The following TAX1BP1 variants were observed in gnomAD, a reference collection of about 807,000 sequenced individuals.
TAX1BP1 encodes tax1-binding protein 1.
TAX1BP1 carries 62 observed loss-of-function variants against 97.7 expected under a neutral mutation model. The observed-to-expected ratio is 0.63, with a 90% CI of 0.52 to 0.78. The LOEUF (loss-of-function observed/expected upper bound fraction) is 0.78, where lower values mean the gene tolerates loss of function less well. Among genes scored for constraint, TAX1BP1 ranks in the 30% least tolerant of loss-of-function variants. The pLI, the probability that TAX1BP1 is intolerant of heterozygous loss-of-function variation, is 0.00. For missense variants in TAX1BP1, 867 were observed against 916.1 expected (o/e 0.95, Z 0.69); for synonymous variants, 340 against 304.2 (o/e 1.12, Z -1.23).
intron 7 of TAX1BP1, among the ~76,000 whole-genome samples, chr7:27,787,186 T>A (rs1394152302): frequency 6.6e-6 from 1 of 152,186 alleles, no homozygotes; most frequent in Non-Finnish European, 1.5e-5. Flanking sequence ...CAGGTGATGT[T>A]GTTAGGGCTT....
At chr7:27,785,356 A>G in intron 6 of TAX1BP1, 43 bp from the exon 7 acceptor site, 1 of 1,590,306 alleles carries the variant, frequency 6.3e-7, no homozygotes, top group Non-Finnish European at 8.5e-7. Flanking sequence ...AAAATTTTAA[A>G]ACTTTAAAAC....
upstream of TAX1BP1, chr7:27,740,136 T>A (rs937351938): frequency 6.6e-6 from 1 of 152,310 alleles, no homozygotes; most frequent in African/African-American, 2.4e-5. Flanking sequence ...CAAGGCCTAC[T>A]GTCGGCTGGG....
chr7:27,752,232 C>T (rs1225057729), intron 2 of TAX1BP1, among the ~76,000 whole-genome samples: 2 of 152,110 alleles, frequency 1.3e-5, no homozygotes, highest in African/African-American at 4.8e-5. Flanking sequence ...TAGGATATGT[C>T]AACAGTCAAT....
rs891496415 is a variant in TAX1BP1 at position 27,800,187 on chromosome 7, G to A, written c.1764+97G>A. Reference sequence around the variant, plus strand: ...CAATCTAATGTACATTTTAAATATGGATAATTGATAGTTTTTTCTACAAAT... The same window carrying A: ...CAATCTAATGTACATTTTAAATATGAATAATTGATAGTTTTTTCTACAAAT... On this transcript the variant is annotated intron_variant, in intron 13 of 16. Transcript: ENST00000396319. 2.1e-5 allele frequency: 23 copies of A among 1,107,790 alleles called. No homozygotes were observed. The African/African-American group carries it at 3.4e-4, about 16-fold the overall frequency. 68.6% of individuals were successfully genotyped at this position (1,107,790 alleles called of 1,614,324 possible).
intron 5 of TAX1BP1, among the ~76,000 whole-genome samples, chr7:27,784,439 T>C (rs73684053): frequency 0.024 from 3,642 of 152,222 alleles, 74 homozygotes; most frequent in East Asian, 0.082. Flanking sequence ...CTTAGTGTCT[T>C]TGAATATTTG....
At chr7:27,803,740 T>C (rs1242153419) in intron 13 of TAX1BP1, among the ~76,000 whole-genome samples, 2 of 152,240 alleles carry the variant, frequency 1.3e-5, no homozygotes, top group Non-Finnish European at 2.9e-5. Context: ...TTAATTTTAT[T>C]GACGCTTGAT....
rs189207706 is a variant in TAX1BP1 at position 27,748,494 on chromosome 7, A to T, written c.-7-24A>T. 2.6e-6 allele frequency: 4 copies of T among 1,529,592 alleles called. No individual in the cohort carries two copies. In the African/African-American group the frequency reaches 5.5e-5, roughly 21 times the overall value. The allele number at this position is 1,529,592 out of a possible 1,614,324, so 94.8% of individuals were successfully genotyped here. The stretch of plus-strand genomic sequence containing the variant: ...GTTTATTCTTAGTTGGTATAATTTA[A>T]CTTGTATGAATTACTTGTTTCAGAT... On this transcript the variant is annotated intron_variant, in intron 1 of 16. Coordinates refer to ENST00000396319, the MANE Select transcript of TAX1BP1 (RefSeq NM_006024.7).
chr7:27,761,131 C>T (rs1788411262), intron 3 of TAX1BP1, among the ~76,000 whole-genome samples: 1 of 152,122 alleles, frequency 6.6e-6, no homozygotes, highest in African/African-American at 2.4e-5. Context: ...TCTAAAATAA[C>T]TAGGCTCAGA....
chr7:27,816,370 A>G lies in TAX1BP1; in HGVS notation c.1786A>G (p.Asn596Asp). Residue 596 changes from asparagine to aspartate, a missense_variant, in exon 14 of 17, where the codon AAT (asparagine) becomes GAT (aspartate). By Grantham distance (23) the Asn-to-Asp change is conservative (BLOSUM62 1). This residue lies in a region of TAX1BP1 where 822 missense variants were observed against 851.4 expected (regional missense o/e 0.97). Transcript: ENST00000396319. ...NYKELKRSLE[N>D]PAERKMEGQN... is the part of the protein sequence containing the mutation. ...TTAGGAACTTAAAAGGAGTCTAGAA[A>G]ATCCAGCAGAAAGGAAAATGGAAGG... 1 of 1,578,586 alleles carries G rather than the reference A, an allele frequency of 6.3e-7. No homozygotes were observed. The highest frequency in any genetic ancestry group is 8.5e-7 in the Non-Finnish European group (1 of 1,169,910).
chr7:27,745,524 A>G (rs1182297099), intron 1 of TAX1BP1, among the ~76,000 whole-genome samples: 2 of 152,226 alleles, frequency 1.3e-5, no homozygotes, highest in Non-Finnish European at 2.9e-5. Context: ...AGAGTAAAAA[A>G]TGACAAGGTA....
chr7:27,756,145 C>A (rs1313908397), intron 2 of TAX1BP1, among the ~76,000 whole-genome samples: 1 of 152,104 alleles, frequency 6.6e-6, no homozygotes, highest in African/African-American at 2.4e-5. Context: ...GCAGTGGACT[C>A]CTGCATAATT....
intron 1 of TAX1BP1, among the ~76,000 whole-genome samples, chr7:27,746,745 T>G (rs556672497): frequency 1.3e-5 from 2 of 152,178 alleles, no homozygotes; most frequent in South Asian, 4.1e-4. Flanking sequence ...CTTGCAAACC[T>G]CAGGTAGGGA....
chr7:27,828,552 G>A (rs1352350397), intron 16 of TAX1BP1, 76 bp from the exon 17 acceptor site: 1 of 1,402,088 alleles, frequency 7.1e-7, no homozygotes, highest in African/African-American at 1.4e-5. Context: ...TAGATAAATG[G>A]AACCTTGTCA....
chr7:27,763,179 A>G (rs576026400), intron 3 of TAX1BP1, among the ~76,000 whole-genome samples: 16 of 152,350 alleles, frequency 1.1e-4, no homozygotes, highest in Middle Eastern at 3.4e-3. Context: ...GTGGATGAGT[A>G]ATGAGAATCC....
At chr7:27,766,102 A>G in intron 4 of TAX1BP1, 81 bp downstream of exon 4, 2 of 1,412,278 alleles carry the variant, frequency 1.4e-6, no homozygotes, top group Non-Finnish European at 1.9e-6. Context: ...AAGAATTTTA[A>G]GGTTATGTGA....
At position 27,765,515 on chromosome 7, in the gene TAX1BP1, TC is replaced by T. The variant is rs1318777735; in HGVS notation, c.266-316del. 5.3e-5 allele frequency among the ~76,000 whole-genome samples: 8 copies of T among 152,304 alleles called. 1 individual carries two copies. The East Asian group carries it at 1.5e-3, about 29-fold the overall frequency. ...CTCAGTAGACTTTTATATTGGTTCT[TC>T]CCTTGCTCCTCCTCCAGCCTCTTTC... On this transcript the variant is annotated intron_variant, in intron 3 of 16. Transcript: ENST00000396319.
At chr7:27,786,873 A>T (rs1216714403) in intron 7 of TAX1BP1, among the ~76,000 whole-genome samples, 2 of 152,206 alleles carry the variant, frequency 1.3e-5, no homozygotes, top group African/African-American at 4.8e-5. Context: ...TTTGATTTGT[A>T]TGTGTGTTAG....
At chr7:27,773,196 G>T (rs548848907) in intron 5 of TAX1BP1, among the ~76,000 whole-genome samples, 1 of 152,222 alleles carries the variant, frequency 6.6e-6, no homozygotes, top group East Asian at 1.9e-4. Context: ...GAGGCTAGCA[G>T]TATGGCTCCA....
intron 13 of TAX1BP1, among the ~76,000 whole-genome samples, chr7:27,807,779 C>T (rs577534967): frequency 2.0e-5 from 3 of 152,228 alleles, no homozygotes; most frequent in African/African-American, 7.2e-5. Flanking sequence ...ATAATTCCTT[C>T]TATATTGATT....
Sources: gnomAD v4.1 joint callset for allele counts (sites outside exome capture counted in the v4.1 genomes callset) on GRCh38, gnomAD v4.1.1 for gene constraint, gnomAD v4.1.1 regional missense constraint, MANE v1.5 for transcripts, NCBI Gene and HGNC (gene_info 2026-07-23, HGNC 2026-07-21) for gene names.